The following PPP2R2C variants were observed in gnomAD, a reference collection of about 807,000 sequenced individuals.
PPP2R2C encodes the protein protein phosphatase 2 regulatory subunit Bgamma.
In PPP2R2C, 10 loss-of-function variants were observed where a neutral mutation model predicts 45.3. That is an observed-to-expected ratio of 0.22 (90% confidence interval 0.14 to 0.37). The LOEUF (loss-of-function observed/expected upper bound fraction) is 0.37, where lower values mean the gene tolerates loss of function less well. Among genes scored for constraint, PPP2R2C ranks in the 10% least tolerant of loss-of-function variants. The pLI is 1.00. For synonymous variants in PPP2R2C, 257 were observed against 245.4 expected, an observed-to-expected ratio of 1.05 and a Z score of -0.44; for missense variants, 308 against 619.7, an observed-to-expected ratio of 0.50 and a Z score of 5.34.
chr4:6,362,189 C>T (rs1365106844), intron 5 of PPP2R2C, among the ~76,000 whole-genome samples: 1 of 151,936 alleles, frequency 6.6e-6, no homozygotes, highest in African/African-American at 2.4e-5. Flanking sequence ...AGGCTCTGTC[C>T]AAAAGGAGAG....
At chr4:6,393,731 C>T (rs1007958201) in intron 1 of PPP2R2C, among the ~76,000 whole-genome samples, 5 of 152,294 alleles carry the variant, frequency 3.3e-5, no homozygotes, top group East Asian at 1.9e-4. Flanking sequence ...GGGGCCCGCC[C>T]GATGGAGTGT....
At chr4:6,493,208 C>T (rs1344336563) in intron 2 of PPP2R2C, among the ~76,000 whole-genome samples, 1 of 152,136 alleles carries the variant, frequency 6.6e-6, no homozygotes, top group Non-Finnish European at 1.5e-5. Flanking sequence ...GCCTGCCATC[C>T]ACCCACCCAC....
chr4:6,514,666 G>T (rs1723777564), intron 2 of PPP2R2C, among the ~76,000 whole-genome samples: 1 of 152,228 alleles, frequency 6.6e-6, no homozygotes, highest in African/African-American at 2.4e-5. Flanking sequence ...TGCAGGACAA[G>T]CACAGGTCAG....
In PPP2R2C at chr4:6,364,368, G is replaced by A. The variant is rs565064714; in HGVS notation, c.625+8155C>T. ...GGGAGAGAGGAGGAAGTGGGCCAGGGAGGGGCCAGGGCCAGCTCCTGCAGG... is the reference window on the plus strand; with the variant it reads ...GGGAGAGAGGAGGAAGTGGGCCAGGAAGGGGCCAGGGCCAGCTCCTGCAGG... On this transcript the variant is annotated intron_variant, in intron 5 of 8. Transcript: ENST00000382599. The surrounding 1 kb of genome is among the most constrained non-coding windows in gnomAD (Gnocchi z 5.3). Among the ~76,000 whole-genome samples, 69 of 152,368 alleles carry A rather than the reference G, an allele frequency of 4.5e-4. No individual in the cohort carries two copies. Among genetic ancestry groups the A allele is most frequent in the African/African-American group, 1.5e-3 (64 of 41,590 alleles).
At chr4:6,460,521 TTA>T (rs1157820658) in intron 1 of PPP2R2C, among the ~76,000 whole-genome samples, 7 of 152,310 alleles carry the variant, frequency 4.6e-5, no homozygotes, top group Non-Finnish European at 7.4e-5. Context: ...ATGGGCTGTG[TTA>T]TTTTCTAAGC....
At chr4:6,489,854 AT>A (rs1722643148) in intron 2 of PPP2R2C, among the ~76,000 whole-genome samples, 1 of 152,076 alleles carries the variant, frequency 6.6e-6, no homozygotes, top group South Asian at 2.1e-4. Flanking sequence ...TGCATCCACT[AT>A]TTTCGAACTT....
intron 1 of PPP2R2C, among the ~76,000 whole-genome samples, chr4:6,546,356 G>T (rs145147136): frequency 1.6e-4 from 24 of 152,328 alleles, no homozygotes; most frequent in African/African-American, 5.3e-4. Context: ...TTTAAAAAAA[G>T]TATTAGTAGT....
intron 2 of PPP2R2C, among the ~76,000 whole-genome samples, chr4:6,511,828 G>GTGT (rs1560594449): frequency 3.5e-5 from 1 of 28,666 alleles, no homozygotes; most frequent in Non-Finnish European, 8.2e-5. Context: ...GATGGTGGTG[G>GTGT]TGGTGGTGAT....
chr4:6,398,192 C>G (rs924552504), intron 1 of PPP2R2C, among the ~76,000 whole-genome samples: 3 of 152,162 alleles, frequency 2.0e-5, no homozygotes, highest in Non-Finnish European at 4.4e-5. Flanking sequence ...AGAAGAAACT[C>G]CTTGCAACTT....
In PPP2R2C at chr4:6,372,655, G is replaced by C; in HGVS notation, c.493C>G (p.Arg165Gly). ...GTGTGGCCATTGGCAAAGATCCTCC[G>C]AGGGCTCACCTCCACCATCAGATCC... Reference protein sequence around the residue: ...PMDLMVEVSPRRIFANGHTYH... With the variant: ...PMDLMVEVSPGRIFANGHTYH... Residue 165 changes from arginine (R) to glycine (G), a missense_variant, in exon 5 of 9, where the codon CGG becomes GGG. Transcript: ENST00000382599. The C allele has an allele frequency of 6.2e-7, 1 of 1,614,182 alleles. No homozygotes were observed. The highest frequency in any genetic ancestry group is 8.5e-7 in the Non-Finnish European group (1 of 1,180,016).
intron 1 of PPP2R2C, among the ~76,000 whole-genome samples, chr4:6,549,360 C>A (rs1416223032): frequency 3.3e-5 from 5 of 152,186 alleles, no homozygotes; most frequent in Admixed American, 2.6e-4. Flanking sequence ...AGCTTTGCAC[C>A]TGGATCCAGT....
chr4:6,496,583 T>C (rs543191369), intron 2 of PPP2R2C, among the ~76,000 whole-genome samples: 136 of 152,338 alleles, frequency 8.9e-4, no homozygotes, highest in Non-Finnish European at 1.4e-3. Flanking sequence ...TGTGATAGGC[T>C]GGACACAGTG....
At chr4:6,393,343 C>T (rs528503562) in intron 1 of PPP2R2C, among the ~76,000 whole-genome samples, 5 of 152,342 alleles carry the variant, frequency 3.3e-5, no homozygotes, top group South Asian at 2.1e-4. Context: ...TACAGCAGCA[C>T]GTGGCCTTTG....
rs933838654 is a variant in PPP2R2C, at chr4:6,381,407, A to T, written c.71-313T>A. On this transcript the variant is annotated intron_variant, in intron 1 of 8. Coordinates refer to ENST00000382599, the MANE Select transcript of PPP2R2C (RefSeq NM_020416.4). ...CTATGGGACTCACGGTGGTATCTGAAGCCACCTGGATGTGGCCTCATCCTC... is the reference window on the plus strand; with the variant it reads ...CTATGGGACTCACGGTGGTATCTGATGCCACCTGGATGTGGCCTCATCCTC... 3.5e-6 allele frequency: 5 copies of T among 1,429,504 alleles called. No individual in the cohort carries two copies. The African/African-American group carries it at 7.0e-5, about 20-fold the overall frequency. The allele number at this position is 1,429,504 out of a possible 1,614,324, so 88.6% of individuals were successfully genotyped here.
At chr4:6,460,009 C>G (rs1216337500) in intron 1 of PPP2R2C, among the ~76,000 whole-genome samples, 2 of 152,096 alleles carry the variant, frequency 1.3e-5, no homozygotes, top group African/African-American at 2.4e-5. Context: ...CAAAAAGGTG[C>G]AAAGATGCCC....
chr4:6,515,496 T>C lies in PPP2R2C; in HGVS notation c.49+19775A>G, dbSNP rs570561316. ...GACCCTGGGCAAGAGACTCATCTCT[T>C]TGTGTCCTGGTTTTCTCATGCACAA... On this transcript the variant is annotated intron_variant, in intron 2 of 9. Coordinates refer to the PPP2R2C transcript ENST00000506140. Among the ~76,000 whole-genome samples the C allele has an allele frequency of 1.8e-4, 28 of 152,300 alleles. No homozygotes were observed. The East Asian group carries it at 5.4e-3, about 29-fold the overall frequency.
rs373523849 is a variant in PPP2R2C at position 6,545,711 on chromosome 4, C to T, written c.-58-10334G>A. On this transcript the variant is annotated intron_variant, in intron 1 of 9. Coordinates refer to the PPP2R2C transcript ENST00000506140. ...TAAGAATCCCCAATTCCCTGCCTGA[C>T]TCTTGTTAGCTGGGGCACCTCGGGT... Among the ~76,000 whole-genome samples, 9 of 152,382 alleles carry T rather than the reference C, an allele frequency of 5.9e-5. No individual in the cohort carries two copies. The East Asian group carries it at 1.3e-3, about 23-fold the overall frequency.
chr4:6,526,723 T>A (rs559566235), intron 2 of PPP2R2C, among the ~76,000 whole-genome samples: 1 of 152,080 alleles, frequency 6.6e-6, no homozygotes, highest in African/African-American at 2.4e-5. Context: ...AGCGACCCAA[T>A]TGGAGGAAGA....
chr4:6,381,574 A>G (rs1015325043), intron 1 of PPP2R2C: 2 of 1,428,310 alleles, frequency 1.4e-6, no homozygotes, highest in Non-Finnish European at 1.8e-6. Context: ...CTTCCCACAC[A>G]GTAGGACAGA....
Sources: allele counts gnomAD v4.1 joint callset (sites outside exome capture counted in the v4.1 genomes callset), GRCh38; gene constraint gnomAD v4.1.1; non-coding constraint Gnocchi (gnomAD v3.1); transcripts MANE v1.5; gene names NCBI Gene and HGNC (gene_info 2026-07-23, HGNC 2026-07-21).